Variants in LCK observed in about 807,000 individuals in gnomAD.
The protein encoded by LCK is tyrosine-protein kinase Lck.
Under a neutral mutation model 64.6 loss-of-function variants are expected in LCK, and 14 were observed. That is an observed-to-expected ratio of 0.22 (90% CI 0.14 to 0.34). The LOEUF (loss-of-function observed/expected upper bound fraction) is 0.34. Among genes scored for constraint, LCK ranks in the 10% least tolerant of loss-of-function variants. The probability of loss-of-function intolerance (pLI) is 1.00; values close to 1 mark genes in which losing one functional copy is unlikely to be tolerated. For missense variants in LCK, 434 were observed against 668.1 expected, an observed-to-expected ratio of 0.65 and a Z score of 3.86; for synonymous variants, 277 against 263.6, an observed-to-expected ratio of 1.05 and a Z score of -0.49.
intron 1 of LCK, among the ~76,000 whole-genome samples, chr1:32,266,676 C>T (rs1320088953): frequency 1.3e-5 from 1 of 77,498 alleles, no homozygotes; most frequent in Admixed American, 1.2e-4. Context: ...CCTCTCCTCC[C>T]CCTCCCCTTC....
intron 1 of LCK, among the ~76,000 whole-genome samples, chr1:32,272,033 G>A (rs901419540): frequency 1.3e-5 from 2 of 151,922 alleles, no homozygotes; most frequent in African/African-American, 2.4e-5. Context: ...CCTGTAATCC[G>A]AGCACTTTGG....
In LCK at chr1:32,276,528, C is replaced by A. The variant is rs1228405328; in HGVS notation, c.784+39C>A. ...CCAGGACTGCCTGGGAAGAGGGGAACGGGAGGGGCCGCTGAGGTGATGAGA... is the reference window on the plus strand; with the variant it reads ...CCAGGACTGCCTGGGAAGAGGGGAAAGGGAGGGGCCGCTGAGGTGATGAGA... On this transcript the variant is annotated intron_variant, in intron 8 of 12. Coordinates refer to ENST00000336890, the MANE Select transcript of LCK (RefSeq NM_005356.5). This position sits in a 1 kb window ranked among gnomAD's most constrained non-coding sequence, Gnocchi z 4.6. The A allele has an allele frequency of 1.3e-6, 2 of 1,587,818 alleles. No homozygotes were observed. Among genetic ancestry groups the A allele is most frequent in the Admixed American group, 3.5e-5 (2 of 57,784 alleles).
chr1:32,273,346 CTG>C (rs201778052), intron 1 of LCK, among the ~76,000 whole-genome samples: 93 of 131,592 alleles, frequency 7.1e-4, no homozygotes, highest in Non-Finnish European at 8.4e-4. Context: ...GGGGGTGCCT[CTG>C]TGTGTGTGTG....
At chr1:32,257,488 G>A (rs114562298) in intron 1 of LCK, among the ~76,000 whole-genome samples, 357 of 152,074 alleles carry the variant, frequency 2.3e-3, no homozygotes, top group African/African-American at 7.8e-3. Flanking sequence ...CTGGGCTCAC[G>A]TATCTGTCTG....
Position 32,275,736 on chromosome 1 carries a change from A to G in LCK, c.481+64A>G. On this transcript the variant is annotated intron_variant, in intron 6 of 12. Coordinates refer to ENST00000336890, the MANE Select transcript of LCK (RefSeq NM_005356.5). This position sits in a 1 kb window ranked among gnomAD's most constrained non-coding sequence, Gnocchi z 6.9. ...CCGGGGTGTGCCCGAGGGGGGGCGCAGGGTGAGCCCGAGGTGGAGACACGG... is the reference window on the plus strand; with the variant it reads ...CCGGGGTGTGCCCGAGGGGGGGCGCGGGGTGAGCCCGAGGTGGAGACACGG... 6.9e-7 allele frequency: 1 copy of G among 1,443,128 alleles called. No homozygotes were observed. The highest frequency in any genetic ancestry group is 9.3e-7 in the Non-Finnish European group (1 of 1,069,790). The allele number at this position is 1,443,128 out of a possible 1,614,324, so 89.4% of individuals were successfully genotyped here.
intron 12 of LCK, among the ~76,000 whole-genome samples, chr1:32,283,556 T>G (rs957191738): frequency 1.3e-5 from 2 of 152,124 alleles, no homozygotes; most frequent in African/African-American, 4.8e-5. Flanking sequence ...GCTGTGATCA[T>G]GTAGTTCTCC....
chr1:32,284,318 T>G (rs555176889), intron 12 of LCK, among the ~76,000 whole-genome samples: 33 of 147,504 alleles, frequency 2.2e-4, no homozygotes, highest in Admixed American at 1.2e-3. Context: ...CTGTGAGAGA[T>G]ATATATATGT....
At chr1:32,272,632 A>AGAGAGAGAAAGAGAGAGC (rs1640117313) in intron 1 of LCK, among the ~76,000 whole-genome samples, 1 of 146,482 alleles carries the variant, frequency 6.8e-6, no homozygotes, top group Admixed American at 6.7e-5. Context: ...AAAGAGAGAG[A>AGAGAGAGAAAGAGAGAGC]GAGAGAGAGA....
At chr1:32,284,294 A>T (rs1202777380) in intron 12 of LCK, among the ~76,000 whole-genome samples, 1 of 144,414 alleles carries the variant, frequency 6.9e-6, no homozygotes, top group East Asian at 2.3e-4. Flanking sequence ...TATATCTGTG[A>T]GATATATATA....
At chr1:32,253,086 C>T (rs923295689) in intron 1 of LCK, among the ~76,000 whole-genome samples, 100 of 152,200 alleles carry the variant, frequency 6.6e-4, no homozygotes, top group Admixed American at 6.5e-3. Flanking sequence ...AATAATCAAG[C>T]TGGGCACGGT....
chr1:32,255,631 C>T (rs566076683), intron 1 of LCK, among the ~76,000 whole-genome samples: 9 of 152,154 alleles, frequency 5.9e-5, no homozygotes, highest in African/African-American at 2.2e-4. Flanking sequence ...GATCAGTGAG[C>T]TAACTACAAG....
At chr1:32,266,722 CCCCTT>C (rs1226613687) in intron 1 of LCK, among the ~76,000 whole-genome samples, 4 of 34,536 alleles carry the variant, frequency 1.2e-4, no homozygotes, top group Admixed American at 2.4e-4. Context: ...TCCTCCCCCT[CCCCTT>C]CCCCCTCCTC....
chr1:32,268,760 C>T (rs930891323), intron 1 of LCK, among the ~76,000 whole-genome samples: 1 of 149,534 alleles, frequency 6.7e-6, no homozygotes, highest in Non-Finnish European at 1.5e-5. Flanking sequence ...TTGCGGTGGG[C>T]CGAGATCGTG....
chr1:32,259,309 G>GAA (rs1639708040), intron 1 of LCK, among the ~76,000 whole-genome samples: 1 of 142,096 alleles, frequency 7.0e-6, no homozygotes, highest in Non-Finnish European at 1.5e-5. Context: ...AAAAGAAAAA[G>GAA]AAAAAGAAAA....
Position 32,286,145 on chromosome 1 carries a change from T to C in LCK, c.*429T>C. On this transcript the variant is annotated 3_prime_UTR_variant, in exon 13 of 13. Coordinates refer to ENST00000336890, the MANE Select transcript of LCK (RefSeq NM_005356.5). Reference sequence around the variant, plus strand: ...TGGCACACATCAGGAGTTCAATAAATGTCTGTTGATGACTGTTGTACATCT... The same window carrying C: ...TGGCACACATCAGGAGTTCAATAAACGTCTGTTGATGACTGTTGTACATCT... The C allele has an allele frequency of 3.7e-6, 1 of 272,946 alleles. No individual in the cohort carries two copies. The highest frequency in any genetic ancestry group is 7.1e-6 in the Non-Finnish European group (1 of 140,236). The allele number at this position is 272,946 out of a possible 1,614,324, so 16.9% of individuals were successfully genotyped here.
chr1:32,254,015 C>T lies in LCK; in HGVS notation c.-6+2644C>T, dbSNP rs905618739. 1.5e-4 allele frequency among the ~76,000 whole-genome samples: 23 copies of T among 152,104 alleles called. 1 individual carries two copies. Among genetic ancestry groups the T allele is most frequent in the Admixed American group, 1.5e-3 (23 of 15,260 alleles). ...ACGAGCTGATGGCTTCAAGGCCAAG[C>T]TCAATTCAGTGAAAGTAATTCTCAG... On this transcript the variant is annotated intron_variant, in intron 1 of 12. Coordinates refer to ENST00000336890, the MANE Select transcript of LCK (RefSeq NM_005356.5).
Position 32,276,319 on chromosome 1 carries a change from C to T in LCK, c.632-18C>T, listed in dbSNP as rs951165464. 6.5e-7 allele frequency: 1 copy of T among 1,541,602 alleles called. No individual in the cohort carries two copies. Among genetic ancestry groups the T allele is most frequent in the South Asian group, 1.3e-5 (1 of 79,462 alleles). ...GCCTGCCCTATTGACAGCCTTCACC[C>T]CTCCCTCGTCCTCGCAGATGCTTCA... On this transcript the variant is annotated intron_variant, in intron 7 of 12. Coordinates refer to ENST00000336890, the MANE Select transcript of LCK (RefSeq NM_005356.5). The surrounding 1 kb of genome is among the most constrained non-coding windows in gnomAD (Gnocchi z 4.6).
intron 1 of LCK, among the ~76,000 whole-genome samples, chr1:32,265,656 C>G (rs188027443): frequency 1.0e-3 from 155 of 152,272 alleles, no homozygotes; most frequent in Non-Finnish European, 1.8e-3. Context: ...GCATGCTTTC[C>G]TGGATCCTAG....
Position 32,267,933 on chromosome 1 carries a change from G to A in LCK, c.-5-6392G>A, listed in dbSNP as rs554983687. Among the ~76,000 whole-genome samples, 85 of 151,896 alleles carry A rather than the reference G, an allele frequency of 5.6e-4. 1 individual carries two copies. In the South Asian group the frequency reaches 0.016, roughly 29 times the overall value. ...AATAAGGCCGGGCACAGTGGCTCAC[G>A]CCTGTAATCCCAGCACTTTGGGAGG... On this transcript the variant is annotated intron_variant, in intron 1 of 12. Coordinates refer to ENST00000336890, the MANE Select transcript of LCK (RefSeq NM_005356.5).
Sources: gnomAD v4.1 joint callset for allele counts (sites outside exome capture counted in the v4.1 genomes callset) on GRCh38, gnomAD v4.1.1 for gene constraint, Gnocchi (gnomAD v3.1) non-coding constraint, MANE v1.5 for transcripts, NCBI Gene and HGNC (gene_info 2026-07-23, HGNC 2026-07-21) for gene names.